LLGL2: variants seen among roughly 807,000 people sequenced by gnomAD.
The protein encoded by LLGL2 is LLGL2, scribble cell polarity complex component.
LLGL2 carries 81 observed loss-of-function variants against 123.2 expected under a neutral mutation model. The observed-to-expected ratio is 0.66, with a 90% CI of 0.55 to 0.79. LLGL2 has a LOEUF of 0.79. Among genes scored for constraint, LLGL2 ranks in the 30% least tolerant of loss-of-function variants. The pLI is 0.00. For synonymous variants in LLGL2, 577 were observed against 594.1 expected (o/e 0.97, Z 0.42); for missense variants, 1,273 against 1,414.6 (o/e 0.90, Z 1.61).
chr17:75,572,007 G>C lies in LLGL2; in HGVS notation c.2403G>C (p.Lys801Asn), dbSNP rs543559225. ...TCGAAGTGGCCCATGATCTGTCGAA[G>C]AGCCCTGACATGCAGGGAAGCCACC... ...EPLEVAHDLS[K>N]SPDMQGSHQL... The change falls in exon 19 of 26, where the codon AAG (lysine) becomes AAC (asparagine). Residue 801 changes from lysine to asparagine, a missense_variant. Transcript: ENST00000392550. 1 of 1,612,820 alleles carries C rather than the reference G, an allele frequency of 6.2e-7. No homozygotes were observed. The highest frequency in any genetic ancestry group is 1.3e-5 in the African/African-American group (1 of 75,058).
chr17:75,563,012 C>T lies in LLGL2; in HGVS notation c.531-4C>T. On this transcript the variant is annotated splice_region_variant and splice_polypyrimidine_tract_variant and intron_variant, in intron 6 of 25. Transcript: ENST00000392550. ...CGGAGGCTCACGGCACTCCCCTCGC[C>T]CAGGTTGCCAGAGGAGGCCCGCCAC... 6.2e-7 allele frequency: 1 copy of T among 1,611,402 alleles called. No individual in the cohort carries two copies. Among genetic ancestry groups the T allele is most frequent in the South Asian group, 1.1e-5 (1 of 91,078 alleles).
In LLGL2 at chr17:75,532,943, C is replaced by T. The variant is rs1452931792; in HGVS notation, c.-31+7118C>T. 5.3e-5 allele frequency among the ~76,000 whole-genome samples: 8 copies of T among 152,320 alleles called. No individual in the cohort carries two copies. In the East Asian group the frequency reaches 1.4e-3, roughly 26 times the overall value. On this transcript the variant is annotated intron_variant, in intron 1 of 25. Coordinates refer to ENST00000392550, the MANE Select transcript of LLGL2 (RefSeq NM_001031803.2). ...AGTGTTTCGTGGGGTCAGTGATTGG[C>T]AGATACCTTTTCTAGTTAATCCCTA...
At chr17:75,546,243 G>C (rs1360559570) in intron 2 of LLGL2, 6 of 152,292 alleles carry the variant, frequency 3.9e-5, no homozygotes, top group Non-Finnish European at 7.3e-5. Context: ...TTGAGGAAAA[G>C]TAATGTATTT....
At chr17:75,574,015 G>A (rs954886675) in intron 22 of LLGL2, 35 bp downstream of exon 22, 56 of 1,550,446 alleles carry the variant, frequency 3.6e-5, no homozygotes, top group Non-Finnish European at 4.8e-5. Flanking sequence ...GCACACCTGG[G>A]CCACACCCGG....
At chr17:75,539,167 T>G (rs56338746) in intron 1 of LLGL2, among the ~76,000 whole-genome samples, 15,338 of 151,784 alleles carry the variant, frequency 0.1, 820 homozygotes, top group Non-Finnish European at 0.12. Flanking sequence ...CAGCAATCCT[T>G]CCACCTTAGC....
At chr17:75,530,577 G>A (rs1426133521) in intron 1 of LLGL2, among the ~76,000 whole-genome samples, 2 of 151,580 alleles carry the variant, frequency 1.3e-5, no homozygotes, top group East Asian at 3.9e-4. Flanking sequence ...GTGAACCCGG[G>A]AGGCAGAGCT....
chr17:75,567,371 G>A (rs1233645768), intron 10 of LLGL2, among the ~76,000 whole-genome samples: 1 of 152,228 alleles, frequency 6.6e-6, no homozygotes, highest in Non-Finnish European at 1.5e-5. Context: ...GGCTGAGGCA[G>A]GAGAATCTCT....
At chr17:75,546,872 G>A (rs112106277) in intron 2 of LLGL2, among the ~76,000 whole-genome samples, 22 of 151,014 alleles carry the variant, frequency 1.5e-4, no homozygotes, top group African/African-American at 5.2e-4. Context: ...CAGGTCCAGC[G>A]GACGGTGGGA....
At position 75,544,114 on chromosome 17, in the gene LLGL2, C is replaced by T. The variant is rs2054320088; in HGVS notation, c.75+613C>T. On this transcript the variant is annotated intron_variant, in intron 2 of 25. Transcript: ENST00000392550. This position sits in a 1 kb window ranked among gnomAD's most constrained non-coding sequence, Gnocchi z 4.2. ...GTACCAGAAGGCCCACGGGGCTTCC[C>T]TTCAGGAGTCTGGGGCCTGAGAAGG... 6.6e-6 allele frequency among the ~76,000 whole-genome samples: 1 copy of T among 152,192 alleles called. No homozygotes were observed. The highest frequency in any genetic ancestry group is 1.5e-5 in the Non-Finnish European group (1 of 68,028).
rs2055340638 is a variant in LLGL2, at chr17:75,564,025, C to T, written c.881+219C>T. On this transcript the variant is annotated intron_variant, in intron 9 of 25. Coordinates refer to ENST00000392550, the MANE Select transcript of LLGL2 (RefSeq NM_001031803.2). The surrounding 1 kb of genome is among the most constrained non-coding windows in gnomAD (Gnocchi z 4.9). ...TTCTTGCTCCTTTCTTCCACCTTCC[C>T]AGAGAGACGGTACTGAGCAGCAGGT... Among the ~76,000 whole-genome samples the T allele has an allele frequency of 6.6e-6, 1 of 152,218 alleles. No homozygotes were observed.
In LLGL2 at chr17:75,544,379, C is replaced by T. The variant is rs2054333353; in HGVS notation, c.75+878C>T. Among the ~76,000 whole-genome samples, 1 of 152,188 alleles carries T rather than the reference C, an allele frequency of 6.6e-6. No individual in the cohort carries two copies. Among genetic ancestry groups the T allele is most frequent in the South Asian group, 2.1e-4 (1 of 4,822 alleles). ...GGGGGCTTCCGTTTGGGCTCCCCTG[C>T]CCCCGAAAGGAAGCAGTGGATGTGA... On this transcript the variant is annotated intron_variant, in intron 2 of 25. Transcript: ENST00000392550. The surrounding 1 kb of genome is among the most constrained non-coding windows in gnomAD (Gnocchi z 4.2).
At chr17:75,554,903 A>T (rs529752882) in intron 2 of LLGL2, among the ~76,000 whole-genome samples, 73 of 143,966 alleles carry the variant, frequency 5.1e-4, no homozygotes, top group African/African-American at 9.0e-4. Context: ...AAAAAAAAAA[A>T]TTTTTGGCTG....
In LLGL2 at chr17:75,558,384, C is replaced by A. The variant is rs955151198; in HGVS notation, c.256-128C>A. 23 of 1,148,006 alleles carry A rather than the reference C, an allele frequency of 2.0e-5. No homozygotes were observed. The highest frequency in any genetic ancestry group is 2.7e-5 in the Non-Finnish European group (22 of 813,830). 71.1% of individuals were successfully genotyped at this position (1,148,006 alleles called of 1,614,324 possible). On this transcript the variant is annotated intron_variant, in intron 4 of 25. Transcript: ENST00000392550. The surrounding 1 kb of genome is among the most constrained non-coding windows in gnomAD (Gnocchi z 4.0). ...CCTGGGACCCCCTCCCTTTCCACAG[C>A]TGGGGCTCATGGGCCACCCTGGGAG...
At chr17:75,571,339 A>G (rs1204068869) in intron 17 of LLGL2, 3 of 584,176 alleles carry the variant, frequency 5.1e-6, no homozygotes, top group Non-Finnish European at 9.1e-6. Context: ...ATGGCCTCAG[A>G]CCCATCACTT....
Position 75,574,594 on chromosome 17 carries a change from G to C in LLGL2, c.2997-16G>C. On this transcript the variant is annotated splice_polypyrimidine_tract_variant and intron_variant, in intron 24 of 25. Coordinates refer to ENST00000392550, the MANE Select transcript of LLGL2 (RefSeq NM_001031803.2). ...AGGTCCCTGAGGCCATGACTCCCCTGTCTTTGCCTGTGCAGGAGCGGCAAC... is the reference window on the plus strand; with the variant it reads ...AGGTCCCTGAGGCCATGACTCCCCTCTCTTTGCCTGTGCAGGAGCGGCAAC... The C allele has an allele frequency of 2.5e-6, 4 of 1,611,888 alleles. No homozygotes were observed. Among genetic ancestry groups the C allele is most frequent in the East Asian group, 2.2e-5 (1 of 44,834 alleles).
At position 75,571,673 on chromosome 17, in the gene LLGL2, G is replaced by A. The variant is rs376900486; in HGVS notation, c.2183G>A (p.Arg728Gln). The change falls in exon 18 of 26, where the codon CGG (arginine) becomes CAG (glutamine). Residue 728 changes from arginine to glutamine, a missense_variant. Arg to Gln is a conservative substitution (Grantham distance 43). Coordinates refer to ENST00000392550, the MANE Select transcript of LLGL2 (RefSeq NM_001031803.2). Reference sequence around the variant, plus strand: ...AAACATGGCTTCTCGGCAGGCTCCCGGCACTGCCCCTCGCTGTGGGCTGGC... The same window carrying A: ...AAACATGGCTTCTCGGCAGGCTCCCAGCACTGCCCCTCGCTGTGGGCTGGC... ...FADTYLKDSSRHCPSLWAGTN... is the reference protein window; with the variant it reads ...FADTYLKDSSQHCPSLWAGTN... 31 of 1,607,630 alleles carry A rather than the reference G, an allele frequency of 1.9e-5. 1 individual carries two copies. The South Asian group carries it at 2.1e-4, about 11-fold the overall frequency.
chr17:75,553,659 C>T (rs145746932), intron 2 of LLGL2, among the ~76,000 whole-genome samples: 18 of 152,298 alleles, frequency 1.2e-4, no homozygotes, highest in African/African-American at 2.2e-4. Flanking sequence ...CATAGCATCG[C>T]TTTGTGCTGT....
chr17:75,574,986 G>T lies in LLGL2; in HGVS notation c.*108G>T. The T allele has an allele frequency of 1.3e-6, 2 of 1,508,496 alleles. No homozygotes were observed. Among genetic ancestry groups the T allele is most frequent in the Middle Eastern group, 1.7e-4 (1 of 5,820 alleles). The allele number at this position is 1,508,496 out of a possible 1,614,324, so 93.4% of individuals were successfully genotyped here. On this transcript the variant is annotated 3_prime_UTR_variant, in exon 26 of 26. Coordinates refer to ENST00000392550, the MANE Select transcript of LLGL2 (RefSeq NM_001031803.2). ...GGTGCACAGGGCCCCGCCAGGGGCT[G>T]GGGGCATCCCGGCTTCCACAATGCA...
chr17:75,565,570 A>G (rs1030441295), intron 10 of LLGL2, among the ~76,000 whole-genome samples: 6 of 152,184 alleles, frequency 3.9e-5, no homozygotes, highest in African/African-American at 1.4e-4. Context: ...CTCTTGGGCT[A>G]TGGTGGCCAC....
Sources: allele counts gnomAD v4.1 joint callset (sites outside exome capture counted in the v4.1 genomes callset), GRCh38; gene constraint gnomAD v4.1.1; non-coding constraint Gnocchi (gnomAD v3.1); transcripts MANE v1.5; gene names NCBI Gene and HGNC (gene_info 2026-07-23, HGNC 2026-07-21).